The following DPP6 variants were observed in gnomAD, a reference collection of about 807,000 sequenced individuals.
The protein encoded by DPP6 is A-type potassium channel modulatory protein DPP6.
In DPP6, 69 loss-of-function variants were observed where a neutral mutation model predicts 122.6. The ratio of observed to expected loss-of-function variants is 0.56; its 90% CI spans 0.46 to 0.69. DPP6 has a LOEUF of 0.69. Ranked by LOEUF, DPP6 falls within the 30% of genes least tolerant of loss-of-function variation. The pLI, the probability that DPP6 is intolerant of heterozygous loss-of-function variation, is 0.00. For synonymous variants in DPP6, 418 were observed against 433.1 expected (o/e 0.97, Z 0.43); for missense variants, 928 against 1,116.9 (o/e 0.83, Z 2.41).
At chr7:154,714,521 C>CA (rs1368844475) in intron 7 of DPP6, among the ~76,000 whole-genome samples, 7 of 152,160 alleles carry the variant, frequency 4.6e-5, no homozygotes, top group African/African-American at 1.2e-4. Context: ...CGCAGGGCAG[C>CA]AGGAGAGGGA....
intron 1 of DPP6, among the ~76,000 whole-genome samples, chr7:154,177,481 G>T (rs915966998): frequency 6.6e-6 from 1 of 152,212 alleles, no homozygotes; most frequent in African/African-American, 2.4e-5. Context: ...GGTATGCTGA[G>T]GAAAGCCAAA....
intron 1 of DPP6, among the ~76,000 whole-genome samples, chr7:154,431,395 G>A (rs1250889673): frequency 6.6e-6 from 1 of 152,036 alleles, no homozygotes; most frequent in Non-Finnish European, 1.5e-5. Flanking sequence ...CAAAGGCTCA[G>A]ATAGCCGCTG....
intron 1 of DPP6, among the ~76,000 whole-genome samples, chr7:154,388,772 G>T (rs1814348232): frequency 1.3e-5 from 2 of 152,158 alleles, no homozygotes; most frequent in African/African-American, 4.8e-5. Flanking sequence ...TAAGAGAACT[G>T]TGGGTTTATG....
intron 1 of DPP6, among the ~76,000 whole-genome samples, chr7:153,966,315 G>A (rs1365766067): frequency 6.6e-6 from 1 of 151,334 alleles, no homozygotes; most frequent in Non-Finnish European, 1.5e-5. Flanking sequence ...TCATGTGTGT[G>A]TAAATGGGCC....
intron 1 of DPP6, among the ~76,000 whole-genome samples, chr7:153,894,489 G>T (rs922665394): frequency 1.3e-5 from 2 of 152,130 alleles, no homozygotes; most frequent in African/African-American, 4.8e-5. Context: ...GGGAGAAAGG[G>T]TTCCATTCGG....
rs35988110 is a variant in DPP6, at chr7:154,323,064, C to CA, written c.244-123139dup. Among the ~76,000 whole-genome samples the CA allele has an allele frequency of 2.9e-3, 395 of 138,058 alleles. 1 individual carries two copies. The highest frequency in any genetic ancestry group is 7.3e-3 in the Middle Eastern group (2 of 274). 90.6% of individuals were successfully genotyped at this position (138,058 alleles called of 152,430 possible). Reference sequence around the variant, plus strand: ...AGAGAGTGAGCTCATTAGCCCTGTTCAAAAAAAAAAATAAATGGAATAATA... The same window carrying CA: ...AGAGAGTGAGCTCATTAGCCCTGTTCAAAAAAAAAAAATAAATGGAATAATA... On this transcript the variant is annotated intron_variant, in intron 1 of 25. Coordinates refer to ENST00000377770, the MANE Select transcript of DPP6 (RefSeq NM_130797.4).
chr7:154,829,736 T>C (rs1402897579), intron 16 of DPP6, among the ~76,000 whole-genome samples: 1 of 152,104 alleles, frequency 6.6e-6, no homozygotes, highest in Admixed American at 6.5e-5. Context: ...GTGATTAGCT[T>C]GGTAATTCTA....
At chr7:153,891,778 G>C (rs117029202) in intron 1 of DPP6, among the ~76,000 whole-genome samples, 252 of 152,258 alleles carry the variant, frequency 1.7e-3, no homozygotes, top group Non-Finnish European at 2.7e-3. Flanking sequence ...GACCCTTGGC[G>C]TCTCCCCCTT....
chr7:154,211,731 G>A (rs1225149941), intron 1 of DPP6, among the ~76,000 whole-genome samples: 2 of 152,100 alleles, frequency 1.3e-5, no homozygotes, highest in African/African-American at 2.4e-5. Flanking sequence ...AGTGGCCCTC[G>A]TGCAACTGCA....
intron 1 of DPP6, chr7:154,026,754 A>G (rs371015119): frequency 1.3e-5 from 2 of 152,064 alleles, no homozygotes; most frequent in African/African-American, 4.8e-5. Context: ...AAGGACATCA[A>G]TAGCATAAAA....
chr7:154,857,895 C>T (rs192801930), intron 17 of DPP6, among the ~76,000 whole-genome samples: 45 of 152,296 alleles, frequency 3.0e-4, no homozygotes, highest in African/African-American at 9.9e-4. Context: ...TTGAAAAGGC[C>T]GCTGAAGACT....
At chr7:153,795,144 C>T in the DPP6 span, among the ~76,000 whole-genome samples, 1 of 152,204 alleles carries the variant, frequency 6.6e-6, no homozygotes. Flanking sequence ...CTGGCCGGTG[C>T]AGTGGCTTAC....
intron 1 of DPP6, among the ~76,000 whole-genome samples, chr7:154,063,616 C>T (rs1298486518): frequency 7.5e-6 from 1 of 132,506 alleles, no homozygotes; most frequent in Non-Finnish European, 1.6e-5. Context: ...GAGGCACCCC[C>T]CACGAGGCAG....
At chr7:154,066,008 C>T (rs989963879) in intron 1 of DPP6, among the ~76,000 whole-genome samples, 1 of 150,992 alleles carries the variant, frequency 6.6e-6, no homozygotes, top group African/African-American at 2.4e-5. Flanking sequence ...ACTTCTGTGA[C>T]TACTGAAATA....
chr7:154,151,746 C>A (rs1334529066), intron 1 of DPP6, among the ~76,000 whole-genome samples: 1 of 151,934 alleles, frequency 6.6e-6, no homozygotes, highest in Non-Finnish European at 1.5e-5. Flanking sequence ...GTCTCCCCTA[C>A]CCCAGGCCAC....
intron 1 of DPP6, among the ~76,000 whole-genome samples, chr7:154,078,147 T>C (rs1247182868): frequency 6.6e-6 from 1 of 152,136 alleles, no homozygotes; most frequent in Non-Finnish European, 1.5e-5. Context: ...ATCATCTCTT[T>C]CATGTTTTGA....
intron 3 of DPP6, among the ~76,000 whole-genome samples, chr7:154,532,312 T>C (rs974255941): frequency 1.3e-5 from 2 of 152,130 alleles, no homozygotes; most frequent in East Asian, 3.9e-4. Flanking sequence ...TAATTGAGCA[T>C]ATCAAAATTT....
intron 1 of DPP6, among the ~76,000 whole-genome samples, chr7:154,271,520 C>T (rs1192292032): frequency 6.6e-6 from 1 of 152,140 alleles, no homozygotes; most frequent in African/African-American, 2.4e-5. Context: ...ACAGGAGGCC[C>T]TTATCATTTT....
chr7:154,651,429 G>A (rs1460326975), intron 6 of DPP6, among the ~76,000 whole-genome samples: 1 of 152,054 alleles, frequency 6.6e-6, no homozygotes, highest in Non-Finnish European at 1.5e-5. Flanking sequence ...CCTAGTTGCA[G>A]TTCACTCCCC....
Sources: gnomAD v4.1 joint callset for allele counts (sites outside exome capture counted in the v4.1 genomes callset) on GRCh38, gnomAD v4.1.1 for gene constraint, MANE v1.5 for transcripts, NCBI Gene and HGNC (gene_info 2026-07-23, HGNC 2026-07-21) for gene names.